GRK7: variants seen among roughly 807,000 people sequenced by gnomAD.
GRK7 encodes rhodopsin kinase GRK7.
GRK7 carries 24 observed loss-of-function variants against 34.1 expected under a neutral mutation model. The ratio of observed to expected loss-of-function variants is 0.70; its 90% CI spans 0.51 to 0.99. The LOEUF is 0.99. Among genes scored for constraint, GRK7 ranks in the 50% least tolerant of loss-of-function variants. The probability of loss-of-function intolerance (pLI) is 0.00; values close to 1 mark genes in which losing one functional copy is unlikely to be tolerated. For missense variants in GRK7, 644 were observed against 707.3 expected (o/e 0.91, Z 1.02); for synonymous variants, 256 against 279.4 (o/e 0.92, Z 0.84).
Position 141,778,886 on chromosome 3 carries a change from G to T in GRK7, c.602G>T (p.Gly201Val). The T allele has an allele frequency of 2.5e-6, 4 of 1,609,202 alleles. No individual in the cohort carries two copies. The highest frequency in any genetic ancestry group is 3.4e-6 in the Non-Finnish European group (4 of 1,177,870). ...FTEFRVLGKG[G>V]FGEVCAVQVK... is the part of the protein sequence containing the mutation. ...GAGTTCAGAGTGCTGGGGAAAGGTG[G>T]TTTTGGGGAGGTAAGTGTCTCCCAG... is the stretch of plus-strand genomic sequence containing the variant. The change falls in exon 3 of 6, where the codon GGT becomes GTT. Residue 201 changes from glycine (G) to valine (V), a missense_variant. Gly to Val is a moderately radical substitution (Grantham distance 109). Transcript: ENST00000682958. The surrounding 1 kb of genome is among the most constrained non-coding windows in gnomAD (Gnocchi z 4.1).
intron 5 of GRK7, among the ~76,000 whole-genome samples, chr3:141,815,066 A>G (rs1005110239): frequency 9.2e-5 from 14 of 151,960 alleles, no homozygotes; most frequent in African/African-American, 2.7e-4. Flanking sequence ...CTGGGACTAC[A>G]GGCACACTCT....
chr3:141,753,960 T>A, the GRK7 span, among the ~76,000 whole-genome samples: 1 of 152,246 alleles, frequency 6.6e-6, no homozygotes, highest in Non-Finnish European at 1.5e-5. Flanking sequence ...TGCAGAAGTA[T>A]AATGATGTCT....
At chr3:141,771,414 TAGAG>T (rs987768147) in intron 1 of GRK7, among the ~76,000 whole-genome samples, 1 of 134,928 alleles carries the variant, frequency 7.4e-6, no homozygotes, top group Non-Finnish European at 1.6e-5. Context: ...CATATGTACT[TAGAG>T]AGTAGAATAA....
rs2084649518 is a variant in GRK7, at chr3:141,778,172, G to T, written c.-113G>T. The T allele has an allele frequency of 3.0e-6, 4 of 1,349,686 alleles. No homozygotes were observed. Among genetic ancestry groups the T allele is most frequent in the African/African-American group, 2.9e-5 (2 of 68,374 alleles). 83.6% of individuals were successfully genotyped at this position (1,349,686 alleles called of 1,614,324 possible). A position where few individuals can be genotyped will look rare whatever the true frequency, so the allele number is the denominator to read the frequency against. ...CACCCTCCACGGGTCCCACCCACAGGCCACAGGACTCACTGTAAATCCCTT... is the reference window on the plus strand; with the variant it reads ...CACCCTCCACGGGTCCCACCCACAGTCCACAGGACTCACTGTAAATCCCTT... On this transcript the variant is annotated splice_region_variant and 5_prime_UTR_variant, in exon 3 of 6. Transcript: ENST00000682958. This position sits in a 1 kb window ranked among gnomAD's most constrained non-coding sequence, Gnocchi z 4.1.
In GRK7 at chr3:141,778,599, G is replaced by T. The variant is rs1366037105; in HGVS notation, c.315G>T (p.Ala105=). Reference sequence around the variant, plus strand: ...AGGAGGGACCCACCAAAGACAGCGCGCTGCAGGGGCTGGTGGCCACTTGTG... The same window carrying T: ...AGGAGGGACCCACCAAAGACAGCGCTCTGCAGGGGCTGGTGGCCACTTGTG... ...LAEEGPTKDS[A]LQGLVATCAS... The change falls in exon 3 of 6, where the codon GCG becomes GCT. Residue 105 remains alanine, a synonymous_variant. Coordinates refer to ENST00000682958, the MANE Select transcript of GRK7 (RefSeq NM_139209.3). The surrounding 1 kb of genome is among the most constrained non-coding windows in gnomAD (Gnocchi z 4.1). 3 of 1,612,586 alleles carry T rather than the reference G, an allele frequency of 1.9e-6. No individual in the cohort carries two copies. The highest frequency in any genetic ancestry group is 1.1e-5 in the South Asian group (1 of 91,000).
chr3:141,777,399 A>G (rs1489708702), intron 2 of GRK7, among the ~76,000 whole-genome samples: 3 of 118,454 alleles, frequency 2.5e-5, no homozygotes, highest in Non-Finnish European at 4.9e-5. Flanking sequence ...ATCTCGGCTC[A>G]CTGCAAGCTC....
intron 4 of GRK7, among the ~76,000 whole-genome samples, chr3:141,798,690 A>G (rs192419335): frequency 1.7e-4 from 26 of 152,264 alleles, no homozygotes; most frequent in Admixed American, 1.7e-3. Flanking sequence ...CCCTACTCTG[A>G]GGAGGCAGTT....
intron 2 of GRK7, among the ~76,000 whole-genome samples, chr3:141,777,584 G>A (rs75966727): frequency 6.7e-6 from 1 of 148,526 alleles, no homozygotes; most frequent in South Asian, 2.1e-4. Flanking sequence ...GATCCGCCCG[G>A]AGATGGCCCC....
chr3:141,776,476 G>A (rs1344126845), intron 2 of GRK7, among the ~76,000 whole-genome samples: 1 of 152,136 alleles, frequency 6.6e-6, no homozygotes, highest in Non-Finnish European at 1.5e-5. Flanking sequence ...GTGGACCGGG[G>A]TAACATATAA....
the GRK7 span, among the ~76,000 whole-genome samples, chr3:141,757,126 C>CTT: frequency 1.1e-5 from 1 of 92,594 alleles, no homozygotes; most frequent in Non-Finnish European, 2.4e-5. Flanking sequence ...CTTAGATCTT[C>CTT]TTCTTTTTTT....
chr3:141,799,610 T>TAA (rs565825432), intron 4 of GRK7, among the ~76,000 whole-genome samples: 5 of 144,036 alleles, frequency 3.5e-5, no homozygotes, highest in African/African-American at 1.0e-4. Context: ...AGGCTCGGTC[T>TAA]AAAAAAAAAA....
intron 5 of GRK7, among the ~76,000 whole-genome samples, chr3:141,812,489 G>T (rs1711102441): frequency 6.6e-6 from 1 of 152,228 alleles, no homozygotes; most frequent in Non-Finnish European, 1.5e-5. Flanking sequence ...ACAAGAACAA[G>T]GAATAGAGAT....
intron 5 of GRK7, among the ~76,000 whole-genome samples, chr3:141,816,106 A>G (rs1711149714): frequency 6.6e-6 from 1 of 152,190 alleles, no homozygotes; most frequent in African/African-American, 2.4e-5. Flanking sequence ...TACTCTAATA[A>G]TTTCTAGCAT....
intron 4 of GRK7, among the ~76,000 whole-genome samples, chr3:141,795,360 C>A (rs986329609): frequency 6.6e-6 from 1 of 152,200 alleles, no homozygotes; most frequent in African/African-American, 2.4e-5. Context: ...AATAGCACAG[C>A]CCCCAACACA....
At chr3:141,813,471 C>A (rs980799741) in intron 5 of GRK7, among the ~76,000 whole-genome samples, 1 of 152,148 alleles carries the variant, frequency 6.6e-6, no homozygotes, top group Non-Finnish European at 1.5e-5. Flanking sequence ...GTAACTCTCC[C>A]TCAAGGCTCT....
intron 1 of GRK7, among the ~76,000 whole-genome samples, chr3:141,770,371 G>A (rs2084611267): frequency 6.6e-6 from 1 of 152,128 alleles, no homozygotes; most frequent in South Asian, 2.1e-4. Context: ...AACTATGACT[G>A]TACATGAAGG....
rs371722590 is a variant in GRK7 at position 141,786,939 on chromosome 3, C to G, written c.1050+6128C>G. 5.9e-5 allele frequency among the ~76,000 whole-genome samples: 9 copies of G among 152,262 alleles called. No homozygotes were observed. The East Asian group carries it at 1.7e-3, about 29-fold the overall frequency. The stretch of plus-strand genomic sequence containing the variant: ...GCACAGAGGGCCTCTGTGCACCCTG[C>G]TGGCTTTGAAGATGGAGGAGCAAGG... On this transcript the variant is annotated intron_variant, in intron 4 of 5. Transcript: ENST00000682958.
intron 4 of GRK7, among the ~76,000 whole-genome samples, chr3:141,798,128 G>T (rs1282742379): frequency 1.3e-5 from 2 of 152,182 alleles, no homozygotes; most frequent in African/African-American, 4.8e-5. Context: ...ACAATGTAGG[G>T]GGTATCTGGA....
chr3:141,763,540 T>G lies in GRK7; in HGVS notation c.-2413T>G, dbSNP rs1190861685. On this transcript the variant is annotated 5_prime_UTR_variant, in exon 1 of 6. Coordinates refer to ENST00000682958, the MANE Select transcript of GRK7 (RefSeq NM_139209.3). ...CCCCAGTGCTGTGCCTAAGACCTCC[T>G]TCAACTTAGCAGTAGCCCAGTGGAA... Among the ~76,000 whole-genome samples the G allele has an allele frequency of 6.6e-6, 1 of 152,150 alleles. No individual in the cohort carries two copies. The highest frequency in any genetic ancestry group is 1.5e-5 in the Non-Finnish European group (1 of 68,030).
Sources: gnomAD v4.1 joint callset for allele counts (sites outside exome capture counted in the v4.1 genomes callset) on GRCh38, gnomAD v4.1.1 for gene constraint, Gnocchi (gnomAD v3.1) non-coding constraint, MANE v1.5 for transcripts, NCBI Gene and HGNC (gene_info 2026-07-23, HGNC 2026-07-21) for gene names.